Variants in BARD1 observed in about 807,000 individuals in gnomAD.
BARD1 encodes BRCA1-associated RING domain protein 1.
In BARD1, 73 loss-of-function variants were observed where a neutral mutation model predicts 77.0. The observed-to-expected ratio is 0.95, with a 90% CI of 0.79 to 1.15. The LOEUF (loss-of-function observed/expected upper bound fraction) is 1.15. BARD1 is among the 50% of genes most tolerant of loss of function. BARD1 has a pLI of 0.00. For missense variants in BARD1, 993 were observed against 938.8 expected (o/e 1.06, Z -0.75); for synonymous variants, 384 against 338.0 (o/e 1.14, Z -1.49).
intron 6 of BARD1, among the ~76,000 whole-genome samples, chr2:214,764,866 A>G (rs570549241): frequency 6.6e-6 from 1 of 152,288 alleles, no homozygotes; most frequent in African/African-American, 2.4e-5. Flanking sequence ...AAACACAGGA[A>G]AAAAGTATGA....
Position 214,725,702 on chromosome 2 carries a change from T to G in BARD1, c.*2974A>C. ...TTGATGTGCGTATCTTTGAAAAGGG[T>G]TGACTTATAAAGAAATACATGAAGT... On this transcript the variant is annotated 3_prime_UTR_variant, in exon 11 of 11. Coordinates refer to ENST00000260947, the MANE Select transcript of BARD1 (RefSeq NM_000465.4). 1 of 222,318 alleles carries G rather than the reference T, an allele frequency of 4.5e-6. No individual in the cohort carries two copies. The highest frequency in any genetic ancestry group is 9.0e-6 in the Non-Finnish European group (1 of 111,244). 13.8% of individuals were successfully genotyped at this position (222,318 alleles called of 1,614,324 possible).
At chr2:214,801,211 G>A (rs1395493826) in intron 1 of BARD1, among the ~76,000 whole-genome samples, 1 of 151,408 alleles carries the variant, frequency 6.6e-6, no homozygotes, top group Non-Finnish European at 1.5e-5. Flanking sequence ...CTCCAGCACT[G>A]CTTGTTACAG....
intron 6 of BARD1, among the ~76,000 whole-genome samples, chr2:214,753,094 T>C (rs575518899): frequency 1.3e-5 from 2 of 152,278 alleles, no homozygotes; most frequent in African/African-American, 2.4e-5. Context: ...AACAAAGTAT[T>C]ATGGCTCAGA....
Position 214,752,426 on chromosome 2 carries a change from CA to C in BARD1, c.1677+20del. On this transcript the variant is annotated intron_variant, in intron 7 of 10. Coordinates refer to ENST00000260947, the MANE Select transcript of BARD1 (RefSeq NM_000465.4). The stretch of plus-strand genomic sequence containing the variant: ...ATTTTAATAAAATATATAAATGTCC[CA>C]AAGCTAAATCCATACTTACTACTGA... 1.3e-6 allele frequency: 2 copies of C among 1,576,628 alleles called. No homozygotes were observed. Among genetic ancestry groups the C allele is most frequent in the Non-Finnish European group, 1.7e-6 (2 of 1,146,250 alleles).
At chr2:214,744,693 C>A (rs910683927) in intron 9 of BARD1, among the ~76,000 whole-genome samples, 1 of 152,082 alleles carries the variant, frequency 6.6e-6, no homozygotes, top group African/African-American at 2.4e-5. Flanking sequence ...TGCAGTGGCA[C>A]CATCTTGGCT....
chr2:214,767,533 T>C lies in BARD1; in HGVS notation c.1517A>G (p.His506Arg). The C allele has an allele frequency of 6.2e-7, 1 of 1,614,044 alleles. No individual in the cohort carries two copies. The highest frequency in any genetic ancestry group is 8.5e-7 in the Non-Finnish European group (1 of 1,179,894). Residue 506 changes from histidine to arginine, a missense_variant, in exon 6 of 11, where the codon CAT (histidine) becomes CGT (arginine). By Grantham distance (29) the His-to-Arg change is conservative. Transcript: ENST00000260947. Reference sequence around the variant, plus strand: ...AAGTAACAGCTTGACTATATCCACATGCCCATTCTTGGCTGCATCGTGAAG... The same window carrying C: ...AAGTAACAGCTTGACTATATCCACACGCCCATTCTTGGCTGCATCGTGAAG... ...SPLHDAAKNG[H>R]VDIVKLLLSY...
At chr2:214,788,180 C>T (rs1695358730) in intron 3 of BARD1, among the ~76,000 whole-genome samples, 2 of 137,112 alleles carry the variant, frequency 1.5e-5, no homozygotes, top group African/African-American at 5.3e-5. Flanking sequence ...AAAGCATAAT[C>T]AAAGTATTTT....
chr2:214,768,483 T>C (rs1204451845), intron 5 of BARD1, among the ~76,000 whole-genome samples: 2 of 152,144 alleles, frequency 1.3e-5, no homozygotes, highest in African/African-American at 4.8e-5. Flanking sequence ...AGCCAGCCAG[T>C]AGAGTCCAAC....
rs1425810692 is a variant in BARD1 at position 214,809,542 on chromosome 2, G to T, written c.28C>A (p.Arg10=). The change falls in exon 1 of 11, where the codon CGG becomes AGG. Residue 10 remains arginine (R), a synonymous_variant. Coordinates refer to ENST00000260947, the MANE Select transcript of BARD1 (RefSeq NM_000465.4). MPDNRQPRN[R]QPRIRSGNEP... ...TTCCCGGAGCGGATCCTCGGCTGCCGGTTCCTCGGCTGCCGATTATCCGGC... is the reference window on the plus strand; with the variant it reads ...TTCCCGGAGCGGATCCTCGGCTGCCTGTTCCTCGGCTGCCGATTATCCGGC... 6.4e-7 allele frequency: 1 copy of T among 1,574,384 alleles called. No homozygotes were observed. Among genetic ancestry groups the T allele is most frequent in the Non-Finnish European group, 8.6e-7 (1 of 1,162,436 alleles).
intron 1 of BARD1, among the ~76,000 whole-genome samples, chr2:214,807,099 G>A (rs568459509): frequency 6.6e-6 from 1 of 152,052 alleles, no homozygotes; most frequent in Admixed American, 6.5e-5. Flanking sequence ...ACTATTTGCG[G>A]GCAGAAAGGC....
At position 214,781,070 on chromosome 2, in the gene BARD1, T is replaced by C. The variant is rs764693879; in HGVS notation, c.804A>G (p.Glu268=). The C allele has an allele frequency of 5.6e-6, 9 of 1,602,024 alleles. No homozygotes were observed. Among genetic ancestry groups the C allele is most frequent in the Non-Finnish European group, 7.7e-6 (9 of 1,175,712 alleles). The change falls in exon 4 of 11, where the codon GAA becomes GAG. Residue 268 remains glutamate, a synonymous_variant. Transcript: ENST00000260947. ...CAGTTAAACTTCCAAAACATTCAGATTCTGTCAAGGAGCCACTTGCTAGTA... is the reference window on the plus strand; with the variant it reads ...CAGTTAAACTTCCAAAACATTCAGACTCTGTCAAGGAGCCACTTGCTAGTA... ...IDLLASGSLT[E]SECFGSLTEV...
At chr2:214,735,387 G>A (rs1692527222) in intron 9 of BARD1, among the ~76,000 whole-genome samples, 1 of 152,152 alleles carries the variant, frequency 6.6e-6, no homozygotes, top group Non-Finnish European at 1.5e-5. Flanking sequence ...CTCAGCTGGG[G>A]ACACACTTGT....
Position 214,794,969 on chromosome 2 carries a change from G to A in BARD1, c.215+2092C>T, listed in dbSNP as rs914067055. Among the ~76,000 whole-genome samples, 5 of 152,248 alleles carry A rather than the reference G, an allele frequency of 3.3e-5. No homozygotes were observed. In the South Asian group the frequency reaches 1.0e-3, roughly 32 times the overall value. Reference sequence around the variant, plus strand: ...TTGATTGGTTGTTTTAAGTCACAGAGTCCTTTAGAATCTGATTAAACGTAT... The same window carrying A: ...TTGATTGGTTGTTTTAAGTCACAGAATCCTTTAGAATCTGATTAAACGTAT... On this transcript the variant is annotated intron_variant, in intron 2 of 10. Coordinates refer to ENST00000260947, the MANE Select transcript of BARD1 (RefSeq NM_000465.4).
At chr2:214,801,850 G>GGT (rs1491138958) in intron 1 of BARD1, among the ~76,000 whole-genome samples, 5 of 1,568 alleles carry the variant, frequency 3.2e-3, no homozygotes, top group Middle Eastern at 0.25. Flanking sequence ...AATATTTGGC[G>GGT]GGGGGGGGGG....
intron 1 of BARD1, among the ~76,000 whole-genome samples, chr2:214,807,107 G>A (rs1696312024): frequency 6.6e-6 from 1 of 151,864 alleles, no homozygotes; most frequent in African/African-American, 2.4e-5. Flanking sequence ...CGGGCAGAAA[G>A]GCCTAAAATA....
chr2:214,750,439 C>T (rs1693353608), intron 7 of BARD1, among the ~76,000 whole-genome samples: 1 of 152,188 alleles, frequency 6.6e-6, no homozygotes, highest in South Asian at 2.1e-4. Context: ...TCATACTCCT[C>T]TCACAGTAAA....
chr2:214,756,321 A>T (rs747398907), intron 6 of BARD1, among the ~76,000 whole-genome samples: 6 of 152,172 alleles, frequency 3.9e-5, no homozygotes, highest in Admixed American at 6.5e-5. Context: ...ATTAAAAAAT[A>T]AAAAAATAAC....
Position 214,727,677 on chromosome 2 carries a change from G to T in BARD1, c.*999C>A, listed in dbSNP as rs558535474. 1.7e-5 allele frequency: 4 copies of T among 228,938 alleles called. No individual in the cohort carries two copies. The highest frequency in any genetic ancestry group is 6.6e-5 in the African/African-American group (3 of 45,182). The allele number at this position is 228,938 out of a possible 1,614,324, so 14.2% of individuals were successfully genotyped here. Reference sequence around the variant, plus strand: ...ATACTTACTGTATGGCCTTTTGTATGATCTGGAAAAAATCTGTTGTAAATC... The same window carrying T: ...ATACTTACTGTATGGCCTTTTGTATTATCTGGAAAAAATCTGTTGTAAATC... On this transcript the variant is annotated 3_prime_UTR_variant, in exon 11 of 11. Transcript: ENST00000260947.
At chr2:214,732,448 C>T (rs891176190) in intron 9 of BARD1, among the ~76,000 whole-genome samples, 11 of 151,374 alleles carry the variant, frequency 7.3e-5, no homozygotes, top group Non-Finnish European at 1.6e-4. Context: ...CAGGTTGGGG[C>T]GCAGTGGCGC....
Sources: allele counts gnomAD v4.1 joint callset (sites outside exome capture counted in the v4.1 genomes callset), GRCh38; gene constraint gnomAD v4.1.1; transcripts MANE v1.5; gene names NCBI Gene and HGNC (gene_info 2026-07-23, HGNC 2026-07-21).